Variants in CTNNA3 observed in about 807,000 individuals in gnomAD.
CTNNA3 encodes the protein catenin alpha-3.
Under a neutral mutation model 95.7 loss-of-function variants are expected in CTNNA3, and 76 were observed. That is an observed-to-expected ratio of 0.79 (90% CI 0.66 to 0.96). The LOEUF is 0.96. Ranked by LOEUF, CTNNA3 falls within the 40% of genes least tolerant of loss-of-function variation. The probability of loss-of-function intolerance (pLI) is 0.00; values close to 1 mark genes in which losing one functional copy is unlikely to be tolerated. For synonymous variants in CTNNA3, 431 were observed against 374.4 expected (o/e 1.15, Z -1.74); for missense variants, 1,191 against 1,089.8 (o/e 1.09, Z -1.31).
At chr10:66,863,549 T>C (rs532055852) in intron 7 of CTNNA3, among the ~76,000 whole-genome samples, 2 of 152,154 alleles carry the variant, frequency 1.3e-5, no homozygotes, top group South Asian at 4.1e-4. Context: ...CTGGAGAAGA[T>C]GAAATAAGTT....
At chr10:66,704,544 C>A (rs1848056848) in intron 9 of CTNNA3, among the ~76,000 whole-genome samples, 1 of 152,042 alleles carries the variant, frequency 6.6e-6, no homozygotes, top group Non-Finnish European at 1.5e-5. Flanking sequence ...ATTTTATTAC[C>A]CTTTATGAGT....
chr10:67,386,246 C>G (rs1844156335), intron 5 of CTNNA3, among the ~76,000 whole-genome samples: 1 of 152,206 alleles, frequency 6.6e-6, no homozygotes, highest in Non-Finnish European at 1.5e-5. Context: ...CTGACGAAAG[C>G]ATAAGGAGTT....
intron 7 of CTNNA3, among the ~76,000 whole-genome samples, chr10:67,141,118 T>C (rs1010192873): frequency 2.6e-5 from 4 of 152,214 alleles, no homozygotes; most frequent in Non-Finnish European, 5.9e-5. Context: ...AAAGATAATA[T>C]TTGGTGATCA....
chr10:66,056,809 G>A (rs1037854536), intron 15 of CTNNA3, among the ~76,000 whole-genome samples: 5 of 152,186 alleles, frequency 3.3e-5, no homozygotes, highest in African/African-American at 1.2e-4. Context: ...TTTGTTGGCA[G>A]AGAGATTAAA....
At chr10:66,685,239 G>GTGTGTATATATACGTATATA (rs1847224084) in intron 9 of CTNNA3, among the ~76,000 whole-genome samples, 1 of 131,422 alleles carries the variant, frequency 7.6e-6, no homozygotes, top group African/African-American at 2.9e-5. Flanking sequence ...ACGTATATAT[G>GTGTGTATATATACGTATATA]TGTGTATATA....
chr10:66,095,763 T>C (rs10996892), intron 14 of CTNNA3, among the ~76,000 whole-genome samples: 27,716 of 152,032 alleles, frequency 0.18, 3,052 homozygotes, highest in Middle Eastern at 0.24. Context: ...AGTTCATCTG[T>C]TGCTATTGAC....
intron 7 of CTNNA3, among the ~76,000 whole-genome samples, chr10:67,017,249 T>C (rs767795732): frequency 4.6e-5 from 7 of 152,196 alleles, no homozygotes; most frequent in Non-Finnish European, 7.3e-5. Flanking sequence ...AAAACATTAC[T>C]GAAATTGCCA....
intron 5 of CTNNA3, among the ~76,000 whole-genome samples, chr10:67,458,861 A>C (rs1248350813): frequency 1.3e-5 from 2 of 151,868 alleles, no homozygotes; most frequent in Non-Finnish European, 1.5e-5. Flanking sequence ...TTACAATTCA[A>C]GATGAGATTT....
At chr10:67,393,670 T>C (rs7073807) in intron 5 of CTNNA3, among the ~76,000 whole-genome samples, 126,138 of 152,056 alleles carry the variant, frequency 0.83, 52,965 homozygotes, top group East Asian at 0.93. Context: ...CAAGTGATAA[T>C]GCAATAATGA....
At chr10:66,153,848 T>TACACACACACACACAC (rs148457020) in intron 13 of CTNNA3, among the ~76,000 whole-genome samples, 7 of 148,948 alleles carry the variant, frequency 4.7e-5, no homozygotes, top group African/African-American at 1.7e-4. Flanking sequence ...ATAATTTGTT[T>TACACACACACACACAC]ACACACACAC....
At chr10:66,015,105 A>AAATAATAATAATAAT (rs374364944) in intron 15 of CTNNA3, among the ~76,000 whole-genome samples, 14 of 150,152 alleles carry the variant, frequency 9.3e-5, no homozygotes, top group East Asian at 4.0e-4. Context: ...CTGTCTCAAA[A>AAATAATAATAATAAT]AATAATAATA....
At chr10:66,677,555 T>C (rs781093371) in intron 9 of CTNNA3, among the ~76,000 whole-genome samples, 2 of 152,220 alleles carry the variant, frequency 1.3e-5, no homozygotes, top group Non-Finnish European at 2.9e-5. Context: ...TGGGAGGTAA[T>C]TGAATCATGT....
intron 7 of CTNNA3, among the ~76,000 whole-genome samples, chr10:67,066,081 T>C (rs1263307953): frequency 6.6e-6 from 1 of 152,126 alleles, no homozygotes; most frequent in East Asian, 1.9e-4. Context: ...AAACTTTTAG[T>C]TCTCTCAATC....
chr10:67,301,891 C>A (rs1840295230), intron 5 of CTNNA3, among the ~76,000 whole-genome samples: 1 of 151,732 alleles, frequency 6.6e-6, no homozygotes, highest in Non-Finnish European at 1.5e-5. Context: ...ATGGCGTGAA[C>A]CCGGGAGGCG....
chr10:66,596,564 A>G (rs1843721789), intron 10 of CTNNA3, among the ~76,000 whole-genome samples: 1 of 152,174 alleles, frequency 6.6e-6, no homozygotes, highest in South Asian at 2.1e-4. Context: ...GATCAAGAGA[A>G]TATACAAAAT....
At position 66,119,542 on chromosome 10, in the gene CTNNA3, CT is replaced by C. The variant is rs2082484290; in HGVS notation, c.1885-16294del. 2.6e-5 allele frequency among the ~76,000 whole-genome samples: 4 copies of C among 152,212 alleles called. No homozygotes were observed. The South Asian group carries it at 8.3e-4, about 32-fold the overall frequency. ...TTTTACTCCTCATGCTGTTTTATCA[CT>C]TTTTGATCCCTCCTAGGGGATTAGG... On this transcript the variant is annotated intron_variant, in intron 13 of 17. Coordinates refer to ENST00000433211, the MANE Select transcript of CTNNA3 (RefSeq NM_013266.4).
chr10:67,336,054 G>T (rs1841984604), intron 5 of CTNNA3, among the ~76,000 whole-genome samples: 1 of 151,918 alleles, frequency 6.6e-6, no homozygotes, highest in Non-Finnish European at 1.5e-5. Flanking sequence ...TGTGATCTAT[G>T]TTACCATCGT....
intron 14 of CTNNA3, among the ~76,000 whole-genome samples, chr10:66,092,714 G>A (rs2081256803): frequency 6.6e-6 from 1 of 151,790 alleles, no homozygotes; most frequent in Non-Finnish European, 1.5e-5. Context: ...CATGTTATAA[G>A]GTGGAAAACG....
At chr10:67,542,003 G>A (rs1362995192) in intron 3 of CTNNA3, among the ~76,000 whole-genome samples, 2 of 152,090 alleles carry the variant, frequency 1.3e-5, no homozygotes, top group Non-Finnish European at 2.9e-5. Context: ...TTGAACAACT[G>A]GCTGGAGAGC....
Sources: gnomAD v4.1 joint callset for allele counts (sites outside exome capture counted in the v4.1 genomes callset) on GRCh38, gnomAD v4.1.1 for gene constraint, MANE v1.5 for transcripts, NCBI Gene and HGNC (gene_info 2026-07-23, HGNC 2026-07-21) for gene names.